Variants in KIRREL1 observed in about 807,000 individuals in gnomAD.
The protein encoded by KIRREL1 is kirre like nephrin family adhesion molecule 1, also known as kin of IRRE-like protein 1.
In KIRREL1, 25 loss-of-function variants were observed where a neutral mutation model predicts 83.3. The ratio of observed to expected loss-of-function variants is 0.30; its 90% CI spans 0.22 to 0.42. The LOEUF (loss-of-function observed/expected upper bound fraction) is 0.42. Ranked by LOEUF, KIRREL1 falls within the 10% of genes least tolerant of loss-of-function variation. The pLI, the probability that KIRREL1 is intolerant of heterozygous loss-of-function variation, is 1.00. For synonymous variants in KIRREL1, 388 were observed against 410.4 expected, an observed-to-expected ratio of 0.95 and a Z score of 0.66; for missense variants, 812 against 1,032.3, an observed-to-expected ratio of 0.79 and a Z score of 2.92.
chr1:158,091,289 G>C, intron 10 of KIRREL1, 69 bp from the exon 11 acceptor site: 3 of 1,454,300 alleles, frequency 2.1e-6, no homozygotes, highest in Non-Finnish European at 9.5e-7. Flanking sequence ...GGGTGGATCA[G>C]GGGACACGTG....
At chr1:158,087,462 C>A (rs1662047418) in intron 5 of KIRREL1, among the ~76,000 whole-genome samples, 1 of 152,034 alleles carries the variant, frequency 6.6e-6, no homozygotes, top group Non-Finnish European at 1.5e-5. Flanking sequence ...CACACCCCAT[C>A]CTTTTTAGTG....
At chr1:158,003,124 A>C (rs1376762205) in intron 1 of KIRREL1, among the ~76,000 whole-genome samples, 1 of 152,094 alleles carries the variant, frequency 6.6e-6, no homozygotes, top group Non-Finnish European at 1.5e-5. Flanking sequence ...TCTCCCAGGA[A>C]CAGCCCGGGG....
At chr1:158,004,166 C>T (rs931578324) in intron 1 of KIRREL1, among the ~76,000 whole-genome samples, 3 of 152,134 alleles carry the variant, frequency 2.0e-5, no homozygotes, top group African/African-American at 7.2e-5. Flanking sequence ...CGTCTATCTT[C>T]TAGGGTTGTT....
intron 1 of KIRREL1, among the ~76,000 whole-genome samples, chr1:158,057,047 G>A (rs570052858): frequency 1.3e-4 from 19 of 151,694 alleles, no homozygotes; most frequent in African/African-American, 3.9e-4. Context: ...TCCTTCCTTC[G>A]TTCATTCATC....
intron 1 of KIRREL1, among the ~76,000 whole-genome samples, chr1:158,015,956 C>A (rs1285872480): frequency 6.6e-6 from 1 of 152,108 alleles, no homozygotes; most frequent in African/African-American, 2.4e-5. Context: ...TTCTATGAAA[C>A]AAGTAAACTA....
At chr1:158,017,525 C>G (rs1659865226) in intron 1 of KIRREL1, among the ~76,000 whole-genome samples, 1 of 151,984 alleles carries the variant, frequency 6.6e-6, no homozygotes, top group African/African-American at 2.4e-5. Flanking sequence ...AATCTTGTCT[C>G]TATTAAAAAT....
At chr1:158,093,914 C>A (rs1019283299) in intron 13 of KIRREL1, 152 bp downstream of exon 13, 12 of 828,252 alleles carry the variant, frequency 1.4e-5, no homozygotes, top group African/African-American at 3.4e-5. Flanking sequence ...CACACACATT[C>A]TCTCACACAC....
chr1:158,092,096 T>C (rs973055222), intron 11 of KIRREL1, among the ~76,000 whole-genome samples: 1 of 152,194 alleles, frequency 6.6e-6, no homozygotes, highest in Non-Finnish European at 1.5e-5. Flanking sequence ...TGGCATACAA[T>C]AGGTGTTCAG....
intron 1 of KIRREL1, among the ~76,000 whole-genome samples, chr1:158,029,447 A>T (rs6664509): frequency 0.83 from 125,621 of 151,912 alleles, 53,031 homozygotes; most frequent in Non-Finnish European, 0.91. Flanking sequence ...GTATAATTTT[A>T]AAATATTATT....
intron 1 of KIRREL1, among the ~76,000 whole-genome samples, chr1:158,069,530 C>G (rs955208118): frequency 3.9e-5 from 6 of 152,128 alleles, no homozygotes; most frequent in East Asian, 1.9e-4. Flanking sequence ...AGCTGGAGAA[C>G]AGGGATAGTC....
intron 4 of KIRREL1, among the ~76,000 whole-genome samples, chr1:158,084,944 TTGCGCTCA>T (rs989466120): frequency 6.6e-5 from 10 of 152,298 alleles, no homozygotes; most frequent in Admixed American, 3.9e-4. Flanking sequence ...AGGAGGAAAC[TTGCGCTCA>T]GAGAGGTTGA....
intron 1 of KIRREL1, among the ~76,000 whole-genome samples, chr1:158,032,274 A>G (rs557286594): frequency 6.6e-6 from 1 of 152,102 alleles, no homozygotes; most frequent in African/African-American, 2.4e-5. Flanking sequence ...AGATGGCTGG[A>G]GAGGATAAGG....
intron 1 of KIRREL1, among the ~76,000 whole-genome samples, chr1:158,055,595 C>T (rs1486265433): frequency 3.3e-5 from 5 of 152,302 alleles, no homozygotes; most frequent in Admixed American, 6.5e-5. Context: ...AATTTGTGTG[C>T]CTTGCAAATG....
At chr1:158,044,893 T>C (rs1451628657) in intron 1 of KIRREL1, among the ~76,000 whole-genome samples, 2 of 152,010 alleles carry the variant, frequency 1.3e-5, no homozygotes, top group Admixed American at 1.3e-4. Context: ...TATTAGTTAG[T>C]TGGATATTGA....
At chr1:158,043,413 G>A (rs1290752909) in intron 1 of KIRREL1, among the ~76,000 whole-genome samples, 2 of 152,066 alleles carry the variant, frequency 1.3e-5, no homozygotes, top group African/African-American at 2.4e-5. Flanking sequence ...CCGGCTGCAC[G>A]CCTCCCTTCC....
rs1433464165 is a variant in KIRREL1, at chr1:158,017,345, C to A, written c.52+23617C>A. Among the ~76,000 whole-genome samples the A allele has an allele frequency of 2.0e-5, 3 of 152,090 alleles. No homozygotes were observed. In the East Asian group the frequency reaches 5.8e-4, roughly 29 times the overall value. ...TTACCTTTCCCTCCTTTTTAAGATCCTTCTTTTCCTTTTACATTTTCAAGG... is the reference window on the plus strand; with the variant it reads ...TTACCTTTCCCTCCTTTTTAAGATCATTCTTTTCCTTTTACATTTTCAAGG... On this transcript the variant is annotated intron_variant, in intron 1 of 14. Coordinates refer to ENST00000359209, the MANE Select transcript of KIRREL1 (RefSeq NM_018240.7).
intron 1 of KIRREL1, among the ~76,000 whole-genome samples, chr1:158,071,396 A>G (rs1420571063): frequency 1.3e-5 from 2 of 152,224 alleles, no homozygotes; most frequent in African/African-American, 2.4e-5. Context: ...GCACACAGGT[A>G]TGCTGCTCAG....
At chr1:158,067,715 C>G (rs1199692933) in intron 1 of KIRREL1, among the ~76,000 whole-genome samples, 3 of 152,236 alleles carry the variant, frequency 2.0e-5, no homozygotes, top group Non-Finnish European at 4.4e-5. Context: ...GTACTTCTGT[C>G]CCTTCCTGGC....
chr1:158,064,919 C>T (rs916194951), intron 1 of KIRREL1, among the ~76,000 whole-genome samples: 1 of 141,410 alleles, frequency 7.1e-6, no homozygotes, highest in African/African-American at 2.8e-5. Context: ...TGTCTAACAC[C>T]TAAACCTGCT....
Sources: allele counts gnomAD v4.1 joint callset (sites outside exome capture counted in the v4.1 genomes callset), GRCh38; gene constraint gnomAD v4.1.1; transcripts MANE v1.5; gene names NCBI Gene and HGNC (gene_info 2026-07-23, HGNC 2026-07-21).